The following ZNF112 variants were observed in gnomAD, a reference collection of about 807,000 sequenced individuals.
ZNF112 encodes zinc finger protein 112 (Y14).
In ZNF112, 37 loss-of-function variants were observed where a neutral mutation model predicts 77.7. The observed-to-expected ratio is 0.48, with a 90% CI of 0.37 to 0.63. The LOEUF is 0.63. ZNF112 is among the 20% of genes least tolerant of loss of function. ZNF112 has a pLI of 0.00. For missense variants in ZNF112, 950 were observed against 1,077.4 expected, an observed-to-expected ratio of 0.88 and a Z score of 1.66; for synonymous variants, 333 against 363.6, an observed-to-expected ratio of 0.92 and a Z score of 0.96.
Position 44,328,056 on chromosome 19 carries a change from A to G in ZNF112, c.2101T>C (p.Tyr701His), listed in dbSNP as rs1220584389. Residue 701 changes from tyrosine (Y) to histidine (H), a missense_variant, in exon 4 of 4, where the codon TAC (tyrosine) becomes CAC (histidine). Tyr to His is a moderately conservative substitution (Grantham distance 83). Coordinates refer to ENST00000354340, the MANE Select transcript of ZNF112 (RefSeq NM_013380.4). ...ECGKSFSQRS[Y>H]LQSHQSVHSG... is the part of the protein sequence containing the mutation. Reference sequence around the variant, plus strand: ...TGGACACTCTGATGACTCTGAAGGTATGATCTCTGACTGAAACTCTTACCA... The same window carrying G: ...TGGACACTCTGATGACTCTGAAGGTGTGATCTCTGACTGAAACTCTTACCA... 1.2e-6 allele frequency: 2 copies of G among 1,613,532 alleles called. No homozygotes were observed. Among genetic ancestry groups the G allele is most frequent in the Non-Finnish European group, 1.7e-6 (2 of 1,179,884 alleles).
At chr19:44,348,795 A>G (rs1181561615) in intron 1 of ZNF112, among the ~76,000 whole-genome samples, 2 of 152,152 alleles carry the variant, frequency 1.3e-5, no homozygotes, top group Non-Finnish European at 2.9e-5. Flanking sequence ...AGCAGATATT[A>G]TAGGGAAATG....
chr19:44,360,276 A>G (rs1282223087), upstream of ZNF112, among the ~76,000 whole-genome samples: 1 of 151,332 alleles, frequency 6.6e-6, no homozygotes, highest in East Asian at 1.9e-4. Flanking sequence ...AAAGAAAAGA[A>G]AAAAGAAAGA....
chr19:44,362,125 G>C (rs1444505730), intron 1 of ZNF112, among the ~76,000 whole-genome samples: 1 of 152,066 alleles, frequency 6.6e-6, no homozygotes, highest in Non-Finnish European at 1.5e-5. Context: ...ATGAGGATTA[G>C]AGAAGGAAGC....
chr19:44,347,110 G>T (rs1970604766), intron 1 of ZNF112, among the ~76,000 whole-genome samples: 1 of 151,618 alleles, frequency 6.6e-6, no homozygotes, highest in South Asian at 2.1e-4. Flanking sequence ...TTGTTTTGTA[G>T]GTACACTTTT....
At position 44,342,859 on chromosome 19, in the gene ZNF112, C is replaced by T. The variant is rs546792913; in HGVS notation, c.-3-2317G>A. ...AAAAAGAAAAGGGGGAGAGGGATAA[C>T]AACAGTTTACGTCAATAATATTAGA... On this transcript the variant is annotated intron_variant, in intron 1 of 3. Coordinates refer to ENST00000354340, the MANE Select transcript of ZNF112 (RefSeq NM_013380.4). 2.7e-5 allele frequency among the ~76,000 whole-genome samples: 4 copies of T among 149,790 alleles called. No individual in the cohort carries two copies. In the East Asian group the frequency reaches 7.8e-4, roughly 29 times the overall value.
chr19:44,340,536 C>T lies in ZNF112; in HGVS notation c.4G>A (p.Val2Met), dbSNP rs376759130. The T allele has an allele frequency of 4.1e-5, 66 of 1,613,856 alleles. 1 individual carries two copies. In the South Asian group the frequency reaches 6.6e-4, roughly 16 times the overall value. Residue 2 changes from valine (V) to methionine (M), a missense_variant, in exon 2 of 4, where the codon GTG becomes ATG. Transcript: ENST00000354340. Reference sequence around the variant, plus strand: ...ACCACAGCAACATCCTTGAATGTCACCATCTCCTACAATGCCAAACACATG... The same window carrying T: ...ACCACAGCAACATCCTTGAATGTCATCATCTCCTACAATGCCAAACACATG... M[V>M]TFKDVAVVFT...
chr19:44,360,385 GA>G (rs139513698), upstream of ZNF112, among the ~76,000 whole-genome samples: 3 of 151,078 alleles, frequency 2.0e-5, no homozygotes, highest in African/African-American at 7.3e-5. Context: ...AGGTATCAGA[GA>G]AAAAAAAAGT....
Position 44,329,225 on chromosome 19 carries a change from T to A in ZNF112, c.932A>T (p.His311Leu). ...ATGCACTCTCTGATAGGATTTCAGA[T>A]GTGAATTCTCAATATCATCTTCTCT... ...IEREDDIENS[H>L]LKSYQRVHTE... The change falls in exon 4 of 4, where the codon CAT (histidine) becomes CTT (leucine). Residue 311 changes from histidine to leucine, a missense_variant. Physicochemically the swap from His to Leu is moderately conservative, Grantham distance 99 (BLOSUM62 -3). Transcript: ENST00000354340. 4 of 1,613,858 alleles carry A rather than the reference T, an allele frequency of 2.5e-6. No individual in the cohort carries two copies. Among genetic ancestry groups the A allele is most frequent in the Non-Finnish European group, 2.5e-6 (3 of 1,179,980 alleles).
At chr19:44,350,193 T>C (rs1970667250) in intron 1 of ZNF112, among the ~76,000 whole-genome samples, 1 of 152,098 alleles carries the variant, frequency 6.6e-6, no homozygotes, top group Non-Finnish European at 1.5e-5. Context: ...ACTCATTGTA[T>C]TCTTCATCAG....
chr19:44,354,637 C>T (rs1231041002), intron 1 of ZNF112, among the ~76,000 whole-genome samples: 1 of 152,108 alleles, frequency 6.6e-6, no homozygotes, highest in East Asian at 1.9e-4. Context: ...ACTGCAAATC[C>T]TTGATGCCAG....
intron 1 of ZNF112, among the ~76,000 whole-genome samples, chr19:44,349,849 G>A (rs1243105123): frequency 6.6e-6 from 1 of 152,014 alleles, no homozygotes; most frequent in Admixed American, 6.6e-5. Flanking sequence ...AGGACAATGG[G>A]AACAACATTA....
chr19:44,345,244 G>A (rs1970566677), intron 1 of ZNF112, among the ~76,000 whole-genome samples: 1 of 152,208 alleles, frequency 6.6e-6, no homozygotes, highest in Non-Finnish European at 1.5e-5. Flanking sequence ...CATAGAGACA[G>A]TTTGCAGGAT....
At chr19:44,334,453 A>G (rs2123155262) in intron 3 of ZNF112, among the ~76,000 whole-genome samples, 1 of 152,394 alleles carries the variant, frequency 6.6e-6, no homozygotes, top group East Asian at 1.9e-4. Context: ...TCAAGGCTGC[A>G]GAAATGTGCC....
At chr19:44,357,921 G>A (rs1463035754), upstream of ZNF112, among the ~76,000 whole-genome samples, 1 of 152,078 alleles carries the variant, frequency 6.6e-6, no homozygotes, top group East Asian at 1.9e-4. Flanking sequence ...CGACCAATCT[G>A]TGAAAATGCT....
At chr19:44,331,364 AC>A (rs758998314) in intron 3 of ZNF112, among the ~76,000 whole-genome samples, 1 of 152,218 alleles carries the variant, frequency 6.6e-6, no homozygotes, top group Non-Finnish European at 1.5e-5. Flanking sequence ...AATTTGAGGC[AC>A]CAGAAAGGGT....
chr19:44,362,755 CAG>C (rs1392612382), intron 1 of ZNF112, among the ~76,000 whole-genome samples: 9 of 151,964 alleles, frequency 5.9e-5, no homozygotes, highest in African/African-American at 7.3e-5. Flanking sequence ...AAAAAAGAAA[CAG>C]ATATTATTTA....
In ZNF112 at chr19:44,328,082, C is replaced by T. The variant is rs778337830; in HGVS notation, c.2075G>A (p.Cys692Tyr). Residue 692 changes from cysteine to tyrosine, a missense_variant, in exon 4 of 4, where the codon TGT becomes TAT. Physicochemically the swap from Cys to Tyr is radical, Grantham distance 194. Around this residue, in one of 3 missense-constraint regions of ZNF112, gnomAD observed 373 missense variants for 482.8 expected, o/e 0.77. Transcript: ENST00000354340. Reference protein sequence around the residue: ...TGEKPYQCDECGKSFSQRSYL... With the variant: ...TGEKPYQCDEYGKSFSQRSYL... Reference sequence around the variant, plus strand: ...TGATCTCTGACTGAAACTCTTACCACACTCATCACATTGGTATGGCTTCTC... The same window carrying T: ...TGATCTCTGACTGAAACTCTTACCATACTCATCACATTGGTATGGCTTCTC... 1.2e-6 allele frequency: 2 copies of T among 1,614,054 alleles called. No homozygotes were observed. The highest frequency in any genetic ancestry group is 2.2e-5 in the East Asian group (1 of 44,876).
At position 44,329,371 on chromosome 19, in the gene ZNF112, A is replaced by G. The variant is rs1409086025; in HGVS notation, c.786T>C (p.Ser262=). ...GATGAACCTCAGAGCTGGAGTCATT[A>G]CTGAAGGCTTTTCTATACCCAGTAC... ...YPCTGYRKAF[S]NDSSSEVHQQ... is the part of the protein sequence containing the mutation. The change falls in exon 4 of 4, where the codon AGT becomes AGC. Residue 262 remains serine, a synonymous_variant. Coordinates refer to ENST00000354340, the MANE Select transcript of ZNF112 (RefSeq NM_013380.4). 1.2e-6 allele frequency: 2 copies of G among 1,613,698 alleles called. No individual in the cohort carries two copies. The highest frequency in any genetic ancestry group is 1.7e-6 in the Non-Finnish European group (2 of 1,179,800).
At chr19:44,357,363 G>A (rs1438546431), upstream of ZNF112, among the ~76,000 whole-genome samples, 1 of 152,220 alleles carries the variant, frequency 6.6e-6, no homozygotes, top group African/African-American at 2.4e-5. Flanking sequence ...TGGAAGCGAT[G>A]TGTGCGCTAA....
Sources: gnomAD v4.1 joint callset for allele counts (sites outside exome capture counted in the v4.1 genomes callset) on GRCh38, gnomAD v4.1.1 for gene constraint, gnomAD v4.1.1 regional missense constraint, MANE v1.5 for transcripts, NCBI Gene and HGNC (gene_info 2026-07-23, HGNC 2026-07-21) for gene names.